The following UNC45B variants were observed in gnomAD, a reference collection of about 807,000 sequenced individuals.
UNC45B encodes the protein protein unc-45 homolog B.
Under a neutral mutation model 98.7 loss-of-function variants are expected in UNC45B, and 78 were observed. The observed-to-expected ratio is 0.79, with a 90% CI of 0.66 to 0.95. UNC45B has a LOEUF of 0.95. Ranked by LOEUF, UNC45B falls within the 40% of genes least tolerant of loss-of-function variation. The pLI, the probability that UNC45B is intolerant of heterozygous loss-of-function variation, is 0.00. For missense variants in UNC45B, 1,225 were observed against 1,184.9 expected (o/e 1.03, Z -0.50); for synonymous variants, 462 against 480.4 (o/e 0.96, Z 0.50).
In UNC45B at chr17:35,168,042, C is replaced by T. The variant is rs1475796505; in HGVS notation, c.1152-19C>T. Reference sequence around the variant, plus strand: ...TCTCTTGGACCAGTTCTCTTGACCACCCTTGTCCTTTGTTTTAGGGGCAAG... The same window carrying T: ...TCTCTTGGACCAGTTCTCTTGACCATCCTTGTCCTTTGTTTTAGGGGCAAG... On this transcript the variant is annotated intron_variant, in intron 9 of 19. Transcript: ENST00000394570. The T allele has an allele frequency of 1.4e-6, 2 of 1,469,160 alleles. No individual in the cohort carries two copies. Among genetic ancestry groups the T allele is most frequent in the African/African-American group, 2.9e-5 (2 of 70,104 alleles). The allele number at this position is 1,469,160 out of a possible 1,614,324, so 91.0% of individuals were successfully genotyped here.
In UNC45B at chr17:35,148,551, G is replaced by T. The variant is rs1205784517; in HGVS notation, c.168+120G>T. 2.4e-6 allele frequency: 3 copies of T among 1,244,846 alleles called. No individual in the cohort carries two copies. In the African/African-American group the frequency reaches 4.5e-5, roughly 19 times the overall value. 77.1% of individuals were successfully genotyped at this position (1,244,846 alleles called of 1,614,324 possible). A position where few individuals can be genotyped will look rare whatever the true frequency, so the allele number is the denominator to read the frequency against. ...CCCAGCCGACTCTCCTGGATGCCTG[G>T]GGTTGGAGAAGGGTGCCTCCAACCC... is the stretch of plus-strand genomic sequence containing the variant. On this transcript the variant is annotated intron_variant, in intron 2 of 19. Transcript: ENST00000394570.
rs771388562 is a variant in UNC45B, at chr17:35,177,106, G to A, written c.2115G>A (p.Pro705=). ...CAAAGATCGCTGCTGTCTCCAATCC[G>A]GACATTGCTTTTCCTGGGGAGCGGG... ...ALAKIAAVSN[P]DIAFPGERVY... Residue 705 remains proline, a synonymous_variant, in exon 16 of 20, where the codon CCG becomes CCA. Coordinates refer to ENST00000394570, the MANE Select transcript of UNC45B (RefSeq NM_001267052.2). The A allele has an allele frequency of 1.4e-5, 23 of 1,614,024 alleles. No individual in the cohort carries two copies. In the East Asian group the frequency reaches 1.8e-4, roughly 13 times the overall value.
rs201660389 is a variant in UNC45B at position 35,168,209 on chromosome 17, C to T, written c.1300C>T (p.Arg434Cys). Residue 434 changes from arginine to cysteine, a missense_variant, in exon 10 of 20, where the codon CGC becomes TGC. Coordinates refer to ENST00000394570, the MANE Select transcript of UNC45B (RefSeq NM_001267052.2). ...GATGGTGGCACTATGTGGCTCAGAG[C>T]GCGAGACGGACCAGCTGGTGGCCGT... ...EMMVALCGSERETDQLVAVEA... is the reference protein window; with the variant it reads ...EMMVALCGSECETDQLVAVEA... 39 of 1,598,242 alleles carry T rather than the reference C, an allele frequency of 2.4e-5. No individual in the cohort carries two copies. The Admixed American group carries it at 2.7e-4, about 11-fold the overall frequency.
In UNC45B at chr17:35,189,194, T is replaced by C. The variant is rs2092319567; in HGVS notation, c.*2635T>C. The C allele has an allele frequency of 6.6e-6, 1 of 152,202 alleles. No individual in the cohort carries two copies. Among genetic ancestry groups the C allele is most frequent in the Admixed American group, 6.5e-5 (1 of 15,290 alleles). 9.4% of individuals were successfully genotyped at this position (152,202 alleles called of 1,614,324 possible). On this transcript the variant is annotated 3_prime_UTR_variant, in exon 20 of 20. Coordinates refer to ENST00000394570, the MANE Select transcript of UNC45B (RefSeq NM_001267052.2). Reference sequence around the variant, plus strand: ...AGTATGTTGTTATCAGAGAACTTGGTCTGTGTCATATTAATCCTTTGCCAT... The same window carrying C: ...AGTATGTTGTTATCAGAGAACTTGGCCTGTGTCATATTAATCCTTTGCCAT...
chr17:35,171,464 T>C lies in UNC45B; in HGVS notation c.1830+2T>C, dbSNP rs1302307350. The stretch of plus-strand genomic sequence containing the variant: ...CATGTGCCCGAGGAACACCCCAAGG[T>C]AGGGTCAGGCGCGACCCGGGAGGGG... On this transcript the variant is annotated splice_donor_variant, in intron 13 of 19. Transcript: ENST00000394570. LOFTEE classifies it high-confidence loss of function. The C allele has an allele frequency of 1.2e-6, 2 of 1,613,894 alleles. No homozygotes were observed. The highest frequency in any genetic ancestry group is 1.7e-5 in the Admixed American group (1 of 60,004).
intron 9 of UNC45B, among the ~76,000 whole-genome samples, chr17:35,165,571 G>A (rs552178731): frequency 2.3e-4 from 35 of 152,072 alleles, no homozygotes; most frequent in Non-Finnish European, 4.3e-4. Flanking sequence ...TCTATGAAGG[G>A]CCAGAGAGTA....
At chr17:35,159,048 T>G (rs573733463) in intron 7 of UNC45B, among the ~76,000 whole-genome samples, 2 of 152,320 alleles carry the variant, frequency 1.3e-5, no homozygotes, top group African/African-American at 4.8e-5. Context: ...AATCAGTTTA[T>G]TAGAAACCAC....
intron 3 of UNC45B, among the ~76,000 whole-genome samples, chr17:35,149,833 A>T (rs539772127): frequency 6.6e-6 from 1 of 152,206 alleles, no homozygotes; most frequent in Non-Finnish European, 1.5e-5. Flanking sequence ...ATTGGATGAC[A>T]TGACCCCCAA....
intron 7 of UNC45B, among the ~76,000 whole-genome samples, chr17:35,157,880 TTTG>T (rs1332757778): frequency 6.6e-6 from 1 of 152,212 alleles, no homozygotes; most frequent in African/African-American, 2.4e-5. Flanking sequence ...AGAGTTTTTT[TTTG>T]TTGTTTGTTT....
chr17:35,151,096 C>A, intron 4 of UNC45B: 1 of 192,072 alleles, frequency 5.2e-6, no homozygotes, highest in Non-Finnish European at 1.1e-5. Context: ...TTGTATTTTT[C>A]CGTACGCCAC....
At chr17:35,148,531 C>A in intron 2 of UNC45B, 100 bp downstream of exon 2, 1 of 1,376,512 alleles carries the variant, frequency 7.3e-7, no homozygotes, top group Non-Finnish European at 9.8e-7. Context: ...TTCATCCCAG[C>A]CGACTCTCCT....
chr17:35,148,908 C>T (rs1443714360), intron 2 of UNC45B, 65 bp from the exon 3 acceptor site: 1 of 1,601,944 alleles, frequency 6.2e-7, no homozygotes, highest in African/African-American at 1.3e-5. Flanking sequence ...TGTGGGGACA[C>T]TCTCTGGCCA....
At chr17:35,184,884 A>T (rs2092294400) in intron 19 of UNC45B, among the ~76,000 whole-genome samples, 1 of 152,114 alleles carries the variant, frequency 6.6e-6, no homozygotes, top group South Asian at 2.1e-4. Flanking sequence ...GCCATGTTGG[A>T]TGCTGGACAT....
intron 7 of UNC45B, among the ~76,000 whole-genome samples, chr17:35,157,756 A>G (rs1401749065): frequency 6.6e-6 from 1 of 152,172 alleles, no homozygotes; most frequent in Non-Finnish European, 1.5e-5. Flanking sequence ...AAACTAAATT[A>G]TTCATCAGAT....
chr17:35,154,722 G>A lies in UNC45B; in HGVS notation c.620G>A (p.Cys207Tyr). 1 of 1,594,346 alleles carries A rather than the reference G, an allele frequency of 6.3e-7. No homozygotes were observed. The highest frequency in any genetic ancestry group is 8.5e-7 in the Non-Finnish European group (1 of 1,173,408). The change falls in exon 6 of 20, where the codon TGC becomes TAC. Residue 207 changes from cysteine (C) to tyrosine (Y), a missense_variant. By Grantham distance (194) the Cys-to-Tyr change is radical (BLOSUM62 -2). Transcript: ENST00000394570. Reference protein sequence around the residue: ...LAAVRTLSGMCSGHQARATVI... With the variant: ...LAAVRTLSGMYSGHQARATVI... ...GCAGTGCGGACCCTGTCGGGCATGT[G>A]CAGCGGCCACCAAGCCAGAGTAAGT...
Position 35,171,469 on chromosome 17 carries a change from T to C in UNC45B, c.1830+7T>C, listed in dbSNP as rs766066051. 2 of 1,613,738 alleles carry C rather than the reference T, an allele frequency of 1.2e-6. No homozygotes were observed. The highest frequency in any genetic ancestry group is 3.3e-5 in the Admixed American group (2 of 59,996). On this transcript the variant is annotated splice_region_variant and intron_variant, in intron 13 of 19. Coordinates refer to ENST00000394570, the MANE Select transcript of UNC45B (RefSeq NM_001267052.2). ...GCCCGAGGAACACCCCAAGGTAGGG[T>C]CAGGCGCGACCCGGGAGGGGTCTGG...
intron 19 of UNC45B, among the ~76,000 whole-genome samples, chr17:35,184,396 C>T (rs1018659264): frequency 2.6e-5 from 4 of 152,150 alleles, no homozygotes; most frequent in African/African-American, 9.7e-5. Flanking sequence ...AACAGTTTCC[C>T]AACGTGTTCT....
intron 4 of UNC45B, among the ~76,000 whole-genome samples, chr17:35,150,503 C>A (rs1219619564): frequency 6.6e-6 from 1 of 152,148 alleles, no homozygotes; most frequent in Non-Finnish European, 1.5e-5. Flanking sequence ...AATCCCAATA[C>A]TTTGGGAGGC....
Position 35,168,792 on chromosome 17 carries a change from C to T in UNC45B, c.1452+431C>T, listed in dbSNP as rs147111800. On this transcript the variant is annotated intron_variant, in intron 10 of 19. Transcript: ENST00000394570. The stretch of plus-strand genomic sequence containing the variant: ...CGAAATCTCAGCTCACTGCAACCTC[C>T]GCCTCCCAGGTTCAGGTGACTCTTG... 8.0e-3 allele frequency among the ~76,000 whole-genome samples: 1,213 copies of T among 152,280 alleles called. 17 individuals are homozygous for T. Among genetic ancestry groups the T allele is most frequent in the African/African-American group, 0.028 (1,148 of 41,554 alleles).
Sources: gnomAD v4.1 joint callset for allele counts (sites outside exome capture counted in the v4.1 genomes callset) on GRCh38, gnomAD v4.1.1 for gene constraint, MANE v1.5 for transcripts, NCBI Gene and HGNC (gene_info 2026-07-23, HGNC 2026-07-21) for gene names.